TMEM123: variants seen among roughly 807,000 people sequenced by gnomAD.
TMEM123 encodes the protein transmembrane protein 123.
Under a neutral mutation model 19.7 loss-of-function variants are expected in TMEM123, and 16 were observed. The observed-to-expected ratio is 0.81, with a 90% CI of 0.55 to 1.23. TMEM123 has a LOEUF of 1.23. Among genes scored for constraint, TMEM123 ranks in the 50% most tolerant of loss-of-function variants. The pLI is 0.00. For missense variants in TMEM123, 313 were observed against 257.8 expected (o/e 1.21, Z -1.47); for synonymous variants, 118 against 99.4 (o/e 1.19, Z -1.12).
At chr11:102,432,872 C>G (rs1857727108) in intron 2 of TMEM123, among the ~76,000 whole-genome samples, 1 of 147,448 alleles carries the variant, frequency 6.8e-6, no homozygotes, top group Admixed American at 6.8e-5. Context: ...ACAGCTCAGG[C>G]CATTGCTTCA....
intron 2 of TMEM123, among the ~76,000 whole-genome samples, chr11:102,405,025 T>C (rs934124469): frequency 6.6e-6 from 1 of 152,128 alleles, no homozygotes; most frequent in Non-Finnish European, 1.5e-5. Flanking sequence ...CTGTGATCTC[T>C]TCTACTGAGT....
chr11:102,404,365 C>T (rs975003486), intron 2 of TMEM123, among the ~76,000 whole-genome samples: 4 of 151,612 alleles, frequency 2.6e-5, no homozygotes, highest in Non-Finnish European at 4.4e-5. Flanking sequence ...CTCAGGGCAA[C>T]CTCCGCCTTC....
rs781175427 is a variant in TMEM123, at chr11:102,452,523, C to T, written c.100+1G>A. On this transcript the variant is annotated splice_donor_variant, in intron 1 of 4. Coordinates refer to ENST00000398136, the MANE Select transcript of TMEM123 (RefSeq NM_052932.3). LOFTEE classifies it high-confidence loss of function. ...GGCTGACGACCCCCGCAGCCACTTA[C>T]CCGCCATGGCTGCGCTTTCATGGGC... 6.5e-7 allele frequency: 1 copy of T among 1,540,198 alleles called. No individual in the cohort carries two copies. Among genetic ancestry groups the T allele is most frequent in the Non-Finnish European group, 8.7e-7 (1 of 1,145,998 alleles).
At chr11:102,430,658 G>A (rs932908783) in intron 2 of TMEM123, among the ~76,000 whole-genome samples, 1 of 152,196 alleles carries the variant, frequency 6.6e-6, no homozygotes, top group Non-Finnish European at 1.5e-5. Context: ...AGGTAAGTGT[G>A]GCCACAGAGC....
chr11:102,431,612 G>A (rs139013625), intron 2 of TMEM123, among the ~76,000 whole-genome samples: 1 of 152,292 alleles, frequency 6.6e-6, no homozygotes, highest in East Asian at 1.9e-4. Context: ...TGTCTCAAAT[G>A]ACAGAATTTG....
chr11:102,452,580 C>T lies in TMEM123; in HGVS notation c.44G>A (p.Gly15Glu), dbSNP rs1487583934. 1.3e-6 allele frequency: 2 copies of T among 1,572,738 alleles called. No homozygotes were observed. Among genetic ancestry groups the T allele is most frequent in the African/African-American group, 2.7e-5 (2 of 73,296 alleles). Reference protein sequence around the residue: ...ARGAWAALLLGTLQVLALLGA... With the variant: ...ARGAWAALLLETLQVLALLGA... ...CAGCAGCGCTAGCACCTGCAGCGTC[C>T]CCAGGAGCAGCGCGGCCCAAGCACC... is the stretch of plus-strand genomic sequence containing the variant. Residue 15 changes from glycine to glutamate, a missense_variant, in exon 1 of 5, where the codon GGG (glycine) becomes GAG (glutamate). Transcript: ENST00000398136.
At chr11:102,437,178 C>T (rs1857772160) in intron 2 of TMEM123, among the ~76,000 whole-genome samples, 1 of 152,162 alleles carries the variant, frequency 6.6e-6, no homozygotes, top group Non-Finnish European at 1.5e-5. Context: ...TTCTAACACC[C>T]ATTCATCATG....
chr11:102,401,580 G>A lies in TMEM123; in HGVS notation c.561C>T (p.Cys187=), dbSNP rs375473223. Residue 187 remains cysteine, a synonymous_variant, in exon 4 of 5, where the codon TGC becomes TGT. Transcript: ENST00000398136. The part of the protein sequence containing the change: ...LGVLSILYIG[C]KMYYSRRGIR... ...TGCCTCTTCTTGAGTAATACATTTT[G>A]CATCCAATGTAAAGAATAGATAAAA... The A allele has an allele frequency of 3.3e-5, 52 of 1,598,618 alleles. No individual in the cohort carries two copies. Among genetic ancestry groups the A allele is most frequent in the African/African-American group, 2.8e-4 (21 of 73,968 alleles).
chr11:102,437,457 C>CAAAA (rs370797533), intron 2 of TMEM123, among the ~76,000 whole-genome samples: 1 of 141,918 alleles, frequency 7.0e-6, no homozygotes, highest in Non-Finnish European at 1.5e-5. Flanking sequence ...GACTCTATCT[C>CAAAA]AAAAAAAAAA....
intron 2 of TMEM123, among the ~76,000 whole-genome samples, chr11:102,442,181 A>G (rs1324223859): frequency 6.6e-6 from 1 of 152,228 alleles, no homozygotes; most frequent in African/African-American, 2.4e-5. Flanking sequence ...AAAAGAGGGA[A>G]TCCTCCCTAA....
chr11:102,414,309 C>T (rs764037170), intron 2 of TMEM123, among the ~76,000 whole-genome samples: 21 of 152,176 alleles, frequency 1.4e-4, no homozygotes, highest in Non-Finnish European at 4.4e-5. Context: ...TTTCCCCAAA[C>T]TCACTAAAGA....
intron 2 of TMEM123, among the ~76,000 whole-genome samples, chr11:102,422,883 T>A (rs1460447394): frequency 6.6e-6 from 1 of 152,244 alleles, no homozygotes; most frequent in Non-Finnish European, 1.5e-5. Flanking sequence ...CATCATGCAA[T>A]GATTAACTCC....
At position 102,439,260 on chromosome 11, in the gene TMEM123, A is replaced by G. The variant is rs1357402282; in HGVS notation, c.157+9552T>C. ...AAGAGAGCAGTGGTTCTCCCAGCAC[A>G]GAGTTTGAGATCTGAGAACGGACAG... On this transcript the variant is annotated intron_variant, in intron 2 of 4. Transcript: ENST00000398136. 2.6e-5 allele frequency among the ~76,000 whole-genome samples: 4 copies of G among 152,246 alleles called. No homozygotes were observed. The East Asian group carries it at 7.7e-4, about 29-fold the overall frequency.
In TMEM123 at chr11:102,398,793, T is replaced by C. The variant is rs1951883298; in HGVS notation, c.*74A>G. The C allele has an allele frequency of 6.8e-7, 1 of 1,469,288 alleles. No homozygotes were observed. 91.0% of individuals were successfully genotyped at this position (1,469,288 alleles called of 1,614,324 possible). A position where few individuals can be genotyped will look rare whatever the true frequency, so the allele number is the denominator to read the frequency against. ...TATTTTCAAAAAGAGAATATTGTTT[T>C]AAACTATTAATAAACCAAAATTAAT... is the stretch of plus-strand genomic sequence containing the variant. On this transcript the variant is annotated 3_prime_UTR_variant, in exon 5 of 5. Coordinates refer to ENST00000398136, the MANE Select transcript of TMEM123 (RefSeq NM_052932.3).
At chr11:102,418,349 C>G (rs927597514) in intron 2 of TMEM123, among the ~76,000 whole-genome samples, 10 of 151,498 alleles carry the variant, frequency 6.6e-5, no homozygotes, top group African/African-American at 2.4e-4. Flanking sequence ...AAAAACAACC[C>G]TTATTGAAAG....
chr11:102,426,129 G>A (rs1952124572), intron 2 of TMEM123, among the ~76,000 whole-genome samples: 1 of 152,230 alleles, frequency 6.6e-6, no homozygotes, highest in African/African-American at 2.4e-5. Context: ...TGAAATATCA[G>A]TCTTAGGTAA....
At chr11:102,408,082 G>A (rs1430390838) in intron 2 of TMEM123, among the ~76,000 whole-genome samples, 1 of 152,098 alleles carries the variant, frequency 6.6e-6, no homozygotes, top group Non-Finnish European at 1.5e-5. Context: ...TTTAATGAAA[G>A]TTGAGATTAT....
intron 2 of TMEM123, among the ~76,000 whole-genome samples, chr11:102,436,368 G>A (rs1200759516): frequency 2.6e-5 from 4 of 151,746 alleles, no homozygotes; most frequent in Non-Finnish European, 5.9e-5. Flanking sequence ...TTGCCATGTT[G>A]GTCAGGCTGG....
chr11:102,397,364 A>C lies in TMEM123; in HGVS notation c.*1503T>G, dbSNP rs1263584892. 1 of 152,196 alleles carries C rather than the reference A, an allele frequency of 6.6e-6. No individual in the cohort carries two copies. Among genetic ancestry groups the C allele is most frequent in the East Asian group, 1.9e-4 (1 of 5,202 alleles). The allele number at this position is 152,196 out of a possible 1,614,324, so 9.4% of individuals were successfully genotyped here. A position where few individuals can be genotyped will look rare whatever the true frequency, so the allele number is the denominator to read the frequency against. On this transcript the variant is annotated 3_prime_UTR_variant, in exon 5 of 5. Coordinates refer to ENST00000398136, the MANE Select transcript of TMEM123 (RefSeq NM_052932.3). ...CATCTGAGCTATTTTTAGGACCTTC[A>C]GAAACTGGTGTGATTCACTTTGGCC...
Sources: gnomAD v4.1 joint callset for allele counts (sites outside exome capture counted in the v4.1 genomes callset) on GRCh38, gnomAD v4.1.1 for gene constraint, MANE v1.5 for transcripts, NCBI Gene and HGNC (gene_info 2026-07-23, HGNC 2026-07-21) for gene names.